GAS7: variants seen among roughly 807,000 people sequenced by gnomAD.
The protein encoded by GAS7 is growth arrest-specific protein 7.
In GAS7, 28 loss-of-function variants were observed where a neutral mutation model predicts 71.1. The observed-to-expected ratio is 0.39, with a 90% CI of 0.29 to 0.54. The LOEUF is 0.54. GAS7 is among the 20% of genes least tolerant of loss of function. The probability of loss-of-function intolerance (pLI) is 0.62; values close to 1 mark genes in which losing one functional copy is unlikely to be tolerated. For missense variants in GAS7, 436 were observed against 627.8 expected (o/e 0.69, Z 3.27); for synonymous variants, 258 against 245.8 (o/e 1.05, Z -0.46).
In GAS7 at chr17:10,146,630, C is replaced by T. The variant is rs530907075; in HGVS notation, c.183+51578G>A. On this transcript the variant is annotated intron_variant, in intron 1 of 13. Coordinates refer to ENST00000432992, the MANE Select transcript of GAS7 (RefSeq NM_201433.2). ...GACTGTGATGCTCTCTCAGCTTGGACGCTTTCAAAACTGACCACCTCAGTA... is the reference window on the plus strand; with the variant it reads ...GACTGTGATGCTCTCTCAGCTTGGATGCTTTCAAAACTGACCACCTCAGTA... 7.9e-5 allele frequency among the ~76,000 whole-genome samples: 12 copies of T among 152,264 alleles called. No individual in the cohort carries two copies. In the South Asian group the frequency reaches 1.5e-3, roughly 18 times the overall value.
chr17:10,088,535 A>AG (rs1013005116), intron 1 of GAS7, among the ~76,000 whole-genome samples: 20 of 152,254 alleles, frequency 1.3e-4, no homozygotes, highest in African/African-American at 4.8e-4. Context: ...CCCGGGCAGG[A>AG]GGGGCAGTTC....
At chr17:10,148,573 G>T (rs1486451905) in intron 1 of GAS7, among the ~76,000 whole-genome samples, 1 of 146,468 alleles carries the variant, frequency 6.8e-6, no homozygotes, top group Non-Finnish European at 1.5e-5. Context: ...AGCCAAGATT[G>T]CACCACTGCA....
intron 2 of GAS7, among the ~76,000 whole-genome samples, chr17:9,989,257 A>G (rs2070755875): frequency 6.6e-6 from 1 of 151,996 alleles, no homozygotes; most frequent in African/African-American, 2.4e-5. Context: ...CTAGGCTGGG[A>G]CTCTGGGAGC....
chr17:10,181,352 T>C (rs1481687353), intron 1 of GAS7, among the ~76,000 whole-genome samples: 1 of 129,100 alleles, frequency 7.7e-6, no homozygotes, highest in East Asian at 2.7e-4. Context: ...AGAGCAAGAC[T>C]CCACCTCAAA....
chr17:10,091,638 G>A (rs925193181), intron 1 of GAS7, among the ~76,000 whole-genome samples: 41 of 151,966 alleles, frequency 2.7e-4, no homozygotes, highest in African/African-American at 7.5e-4. Flanking sequence ...TGCCTGCCTC[G>A]GTCTCCCAAA....
chr17:10,012,831 G>A (rs752008734), intron 2 of GAS7, among the ~76,000 whole-genome samples: 7 of 151,958 alleles, frequency 4.6e-5, no homozygotes, highest in Admixed American at 1.3e-4. Context: ...GGCAGGGCGC[G>A]GTGGCTCACG....
At chr17:10,010,538 C>A (rs148996393) in intron 2 of GAS7, among the ~76,000 whole-genome samples, 2,076 of 152,232 alleles carry the variant, frequency 0.014, 45 homozygotes, top group African/African-American at 0.047. Context: ...GCCACGTGGT[C>A]TCTGCTGCAA....
intron 11 of GAS7, among the ~76,000 whole-genome samples, chr17:9,921,398 G>T (rs1172540206): frequency 6.6e-6 from 1 of 151,848 alleles, no homozygotes; most frequent in East Asian, 1.9e-4. Context: ...CTTGTGATCC[G>T]CCCGCCTCAG....
chr17:9,936,112 G>A lies in GAS7; in HGVS notation c.807-1868C>T, dbSNP rs571006311. Among the ~76,000 whole-genome samples, 16 of 152,256 alleles carry A rather than the reference G, an allele frequency of 1.1e-4. No homozygotes were observed. In the South Asian group the frequency reaches 1.2e-3, roughly 12 times the overall value. ...CATCCACAGGAGGAAAAGGAATCTC[G>A]GCCCTACCTCACACCATACACACAA... is the stretch of plus-strand genomic sequence containing the variant. On this transcript the variant is annotated intron_variant, in intron 8 of 13. Coordinates refer to ENST00000432992, the MANE Select transcript of GAS7 (RefSeq NM_201433.2).
At chr17:9,928,087 G>A (rs1185237242) in intron 9 of GAS7, among the ~76,000 whole-genome samples, 3 of 150,736 alleles carry the variant, frequency 2.0e-5, no homozygotes, top group Non-Finnish European at 2.9e-5. Flanking sequence ...TTTTGTTTGT[G>A]AGCATAACAT....
chr17:10,064,375 C>T (rs2073257055), intron 1 of GAS7, among the ~76,000 whole-genome samples: 1 of 152,150 alleles, frequency 6.6e-6, no homozygotes. Context: ...GTGGGCCTGC[C>T]CAGCAGGCCA....
At position 9,925,457 on chromosome 17, in the gene GAS7, G is replaced by T; in HGVS notation, c.1138+19C>A. 1.9e-6 allele frequency: 3 copies of T among 1,613,848 alleles called. No homozygotes were observed. The highest frequency in any genetic ancestry group is 2.5e-6 in the Non-Finnish European group (3 of 1,179,860). On this transcript the variant is annotated intron_variant, in intron 11 of 13. Coordinates refer to ENST00000432992, the MANE Select transcript of GAS7 (RefSeq NM_201433.2). The stretch of plus-strand genomic sequence containing the variant: ...CTTCTGTGTGCACTGACCAGGCCAG[G>T]CGGGTGCCCAGCACTTACCAGCCTG...
At chr17:10,149,940 TA>T (rs2074150862) in intron 1 of GAS7, among the ~76,000 whole-genome samples, 1 of 152,010 alleles carries the variant, frequency 6.6e-6, no homozygotes, top group South Asian at 2.1e-4. Flanking sequence ...TGTTGGTTGT[TA>T]GGGGTAAGGA....
At chr17:10,041,492 G>A (rs1299935513) in intron 1 of GAS7, among the ~76,000 whole-genome samples, 1 of 152,152 alleles carries the variant, frequency 6.6e-6, no homozygotes, top group African/African-American at 2.4e-5. Context: ...GACCTTTCCG[G>A]GCCATTACAA....
At chr17:10,015,109 C>T (rs185093695) in intron 2 of GAS7, among the ~76,000 whole-genome samples, 6 of 151,620 alleles carry the variant, frequency 4.0e-5, no homozygotes, top group African/African-American at 1.5e-4. Flanking sequence ...GAGCCGAGAT[C>T]GCACCACTGC....
intron 1 of GAS7, among the ~76,000 whole-genome samples, chr17:10,193,496 T>G (rs943100564): frequency 6.6e-6 from 1 of 151,988 alleles, no homozygotes; most frequent in African/African-American, 2.4e-5. Context: ...CCACCTCCCT[T>G]CCAAATTGAC....
At chr17:10,153,985 G>C in intron 1 of GAS7, among the ~76,000 whole-genome samples, 1 of 152,210 alleles carries the variant, frequency 6.6e-6, no homozygotes, top group East Asian at 1.9e-4. Flanking sequence ...GGTTGAGGCA[G>C]GAGGACTGCT....
chr17:10,100,490 C>A (rs2073687682), intron 1 of GAS7, among the ~76,000 whole-genome samples: 1 of 152,224 alleles, frequency 6.6e-6, no homozygotes. Flanking sequence ...GACCGGATCT[C>A]TCAAATCCCA....
At chr17:9,947,180 C>A (rs1465110370) in intron 5 of GAS7, among the ~76,000 whole-genome samples, 197 bp from the exon 6 acceptor site, 1 of 152,130 alleles carries the variant, frequency 6.6e-6, no homozygotes, top group African/African-American at 2.4e-5. Flanking sequence ...GGGCTGTGAA[C>A]CAGTACCACC....
Sources: allele counts gnomAD v4.1 joint callset (sites outside exome capture counted in the v4.1 genomes callset), GRCh38; gene constraint gnomAD v4.1.1; transcripts MANE v1.5; gene names NCBI Gene and HGNC (gene_info 2026-07-23, HGNC 2026-07-21).